Variants in SEPTIN12 observed in about 807,000 individuals in gnomAD.
SEPTIN12 encodes the protein septin-12.
SEPTIN12 carries 42 observed loss-of-function variants against 37.7 expected under a neutral mutation model. The ratio of observed to expected loss-of-function variants is 1.11; its 90% confidence interval spans 0.87 to 1.44. The LOEUF (loss-of-function observed/expected upper bound fraction) is 1.44. Ranked by LOEUF, SEPTIN12 falls within the 40% of genes most tolerant of loss-of-function variation. The pLI is 0.00. For synonymous variants in SEPTIN12, 254 were observed against 196.7 expected, an observed-to-expected ratio of 1.29 and a Z score of -2.44; for missense variants, 613 against 479.2, an observed-to-expected ratio of 1.28 and a Z score of -2.61.
intron 8 of SEPTIN12, 137 bp from the exon 9 acceptor site, chr16:4,778,274 G>A (rs2082335600): frequency 2.2e-6 from 2 of 913,384 alleles, no homozygotes; most frequent in Non-Finnish European, 1.7e-6. Context: ...CCCTTTGTTG[G>A]TTCATTCATT....
intron 2 of SEPTIN12, 97 bp downstream of exon 2, chr16:4,787,383 A>T: frequency 9.3e-7 from 1 of 1,073,982 alleles, no homozygotes. Flanking sequence ...CACCTAAGAG[A>T]TGGGGAGGGG....
chr16:4,783,745 C>G lies in SEPTIN12; in HGVS notation c.534G>C (p.Glu178Asp). The change falls in exon 6 of 10, where the codon GAG becomes GAC. Residue 178 changes from glutamate to aspartate, a missense_variant. Physicochemically the swap from Glu to Asp is conservative, Grantham distance 45. Coordinates refer to ENST00000268231, the MANE Select transcript of SEPTIN12 (RefSeq NM_144605.5). ...TGHCLRPLDI[E>D]FLQRLCRTVN... ...CAGTCCGGCACAGCCGCTGCAGGAACTCAATGTCCAGGGGCCGCAGGCTGC... is the reference window on the plus strand; with the variant it reads ...CAGTCCGGCACAGCCGCTGCAGGAAGTCAATGTCCAGGGGCCGCAGGCTGC... 1 of 1,613,992 alleles carries G rather than the reference C, an allele frequency of 6.2e-7. No homozygotes were observed. The highest frequency in any genetic ancestry group is 8.5e-7 in the Non-Finnish European group (1 of 1,179,952).
chr16:4,779,705 A>C lies in SEPTIN12; in HGVS notation c.808T>G (p.Trp270Gly). 1 of 1,612,458 alleles carries C rather than the reference A, an allele frequency of 6.2e-7. No homozygotes were observed. The highest frequency in any genetic ancestry group is 8.5e-7 in the Non-Finnish European group (1 of 1,178,580). ...CCGCACTGACCTTCAATGATGCCCC[A>C]CTTGGTCTTCCGGCCCAGGACACAC... ...GRCVLGRKTK[W>G]GIIEVENMAH... The change falls in exon 8 of 10, where the codon TGG (tryptophan) becomes GGG (glycine). Residue 270 changes from tryptophan (W) to glycine (G), a missense_variant. Trp to Gly is a radical substitution (Grantham distance 184, BLOSUM62 -2). Transcript: ENST00000268231.
chr16:4,787,620 GA>G lies in SEPTIN12; in HGVS notation c.25del (p.Ser9LeufsTer31), dbSNP rs755500851. On this transcript the variant is annotated frameshift_variant, in exon 2 of 10. Transcript: ENST00000268231. LOFTEE classifies it high-confidence loss of function. MDPLRRSPSPCLSSQPSSP... is the reference protein window; with the variant it reads MDPLRRSPXPCLSSQPSSP... Reference sequence around the variant, plus strand: ...GGAGGGCTGCGAGGACAGGCAGGGAGAGGGGGAGCGCCTCAGGGGGTCCATG... The same window carrying G: ...GGAGGGCTGCGAGGACAGGCAGGGAGGGGGGAGCGCCTCAGGGGGTCCATG... 8.1e-6 allele frequency: 13 copies of G among 1,599,308 alleles called. No individual in the cohort carries two copies. The East Asian group carries it at 2.7e-4, about 33-fold the overall frequency.
chr16:4,782,516 G>A (rs2082383134), intron 7 of SEPTIN12, among the ~76,000 whole-genome samples: 1 of 152,154 alleles, frequency 6.6e-6, no homozygotes, highest in African/African-American at 2.4e-5. Flanking sequence ...AAGCATTTGA[G>A]GAACCACCAG....
At position 4,786,038 on chromosome 16, in the gene SEPTIN12, G is replaced by C. The variant is rs777373520; in HGVS notation, c.234C>G (p.Asn78Lys). ...TLFKSKVWKS[N>K]PPGLGVPTPQ... ...GTGTGGGCACCCCCAAGCCCGGTGG[G>C]TTTGACTTCCACACTTTGGACTTGA... The change falls in exon 3 of 10, where the codon AAC becomes AAG. Residue 78 changes from asparagine to lysine, a missense_variant. Coordinates refer to ENST00000268231, the MANE Select transcript of SEPTIN12 (RefSeq NM_144605.5). 6.2e-7 allele frequency: 1 copy of C among 1,614,038 alleles called. No individual in the cohort carries two copies. Among genetic ancestry groups the C allele is most frequent in the East Asian group, 2.2e-5 (1 of 44,878 alleles).
intron 7 of SEPTIN12, among the ~76,000 whole-genome samples, chr16:4,780,271 G>T (rs2141866561): frequency 6.6e-6 from 1 of 150,656 alleles, no homozygotes; most frequent in Middle Eastern, 3.5e-3. Flanking sequence ...AACATTTTTA[G>T]TAGAGATGAG....
intron 7 of SEPTIN12, among the ~76,000 whole-genome samples, chr16:4,781,943 CTTTTTT>C (rs571415645): frequency 8.4e-5 from 4 of 47,446 alleles, no homozygotes; most frequent in South Asian, 8.5e-4. Context: ...CGTGCCCGGC[CTTTTTT>C]TTTTTTTTTT....
chr16:4,779,174 G>A (rs1294287156), intron 8 of SEPTIN12, among the ~76,000 whole-genome samples: 2 of 152,056 alleles, frequency 1.3e-5, no homozygotes, highest in Non-Finnish European at 2.9e-5. Context: ...TAATACATCA[G>A]GGGCTACATC....
intron 4 of SEPTIN12, among the ~76,000 whole-genome samples, chr16:4,785,135 A>C (rs1596256310): frequency 1.3e-5 from 2 of 152,210 alleles, no homozygotes; most frequent in African/African-American, 2.4e-5. Flanking sequence ...CTGTAATCCC[A>C]GCTACTTGGG....
chr16:4,786,191 G>A (rs2082441787), intron 2 of SEPTIN12, 86 bp from the exon 3 acceptor site: 8 of 1,484,536 alleles, frequency 5.4e-6, no homozygotes, highest in East Asian at 2.3e-5. Flanking sequence ...TTTTATTTTT[G>A]GAGACAGGTT....
chr16:4,780,434 T>C (rs2082360184), intron 7 of SEPTIN12, among the ~76,000 whole-genome samples: 1 of 152,114 alleles, frequency 6.6e-6, no homozygotes. Flanking sequence ...TAGTTGAGCC[T>C]ATGAGTCATT....
At chr16:4,781,708 G>C (rs1340207813) in intron 7 of SEPTIN12, among the ~76,000 whole-genome samples, 1 of 142,086 alleles carries the variant, frequency 7.0e-6, no homozygotes, top group Non-Finnish European at 1.5e-5. Flanking sequence ...GCAACGGTGT[G>C]ATCTCAGCTC....
chr16:4,785,634 G>A (rs111527307), intron 4 of SEPTIN12, 173 bp downstream of exon 4: 13,632 of 586,452 alleles, frequency 0.023, 1,400 homozygotes, highest in African/African-American at 0.23. Flanking sequence ...AAAATTAGCT[G>A]GGCGTGGTGG....
chr16:4,786,722 A>C (rs569423217), intron 2 of SEPTIN12, among the ~76,000 whole-genome samples: 11 of 151,472 alleles, frequency 7.3e-5, no homozygotes, highest in African/African-American at 2.7e-4. Context: ...ATCGCAGCTC[A>C]CTGCAACCTC....
chr16:4,782,324 C>T (rs890128008), intron 7 of SEPTIN12, among the ~76,000 whole-genome samples: 4 of 152,160 alleles, frequency 2.6e-5, no homozygotes, highest in Admixed American at 2.0e-4. Flanking sequence ...AGGGAATAGG[C>T]CGCACTGTGT....
chr16:4,787,424 C>T, intron 2 of SEPTIN12, 56 bp downstream of exon 2: 1 of 1,548,648 alleles, frequency 6.5e-7, no homozygotes, highest in Non-Finnish European at 8.9e-7. Context: ...GGCCACACGC[C>T]CAGGCACGCG....
intron 2 of SEPTIN12, among the ~76,000 whole-genome samples, chr16:4,786,820 A>T (rs534093823): frequency 4.0e-5 from 6 of 151,412 alleles, no homozygotes; most frequent in African/African-American, 9.7e-5. Flanking sequence ...TAATTTTTAA[A>T]TTTTTTTTGT....
intron 7 of SEPTIN12, 60 bp from the exon 8 acceptor site, chr16:4,779,846 A>C (rs2082354258): frequency 2.6e-6 from 3 of 1,145,760 alleles, no homozygotes; most frequent in Non-Finnish European, 4.0e-6. Flanking sequence ...AAGAGAAGAA[A>C]AGTCAAGGCA....
Sources: allele counts gnomAD v4.1 joint callset (sites outside exome capture counted in the v4.1 genomes callset), GRCh38; gene constraint gnomAD v4.1.1; transcripts MANE v1.5; gene names NCBI Gene and HGNC (gene_info 2026-07-23, HGNC 2026-07-21).